Variants in BANK1 observed in about 807,000 individuals in gnomAD.
BANK1 encodes the protein B-cell scaffold protein with ankyrin repeats.
In BANK1, 95 loss-of-function variants were observed where a neutral mutation model predicts 94.5. That is an observed-to-expected ratio of 1.00 (90% CI 0.85 to 1.19). The LOEUF (loss-of-function observed/expected upper bound fraction) is 1.19. Ranked by LOEUF, BANK1 falls within the 50% of genes most tolerant of loss-of-function variation. The pLI is 0.00. For synonymous variants in BANK1, 334 were observed against 308.4 expected (o/e 1.08, Z -0.87); for missense variants, 987 against 932.2 (o/e 1.06, Z -0.77).
chr4:101,851,481 G>T (rs1003204671), intron 2 of BANK1, among the ~76,000 whole-genome samples: 1 of 152,204 alleles, frequency 6.6e-6, no homozygotes, highest in Non-Finnish European at 1.5e-5. Flanking sequence ...TTCGACTAAG[G>T]TGTTGGTAAG....
intron 7 of BANK1, among the ~76,000 whole-genome samples, chr4:101,953,914 T>C (rs1488406185): frequency 3.3e-5 from 5 of 152,148 alleles, no homozygotes; most frequent in Admixed American, 3.3e-4. Flanking sequence ...TGTAGCAAAT[T>C]ACCACAAACT....
At chr4:101,880,127 C>A (rs1728625803) in intron 5 of BANK1, among the ~76,000 whole-genome samples, 1 of 151,886 alleles carries the variant, frequency 6.6e-6, no homozygotes, top group Non-Finnish European at 1.5e-5. Flanking sequence ...GGCATCCAAA[C>A]TGGAAAGGAA....
chr4:101,897,769 C>T (rs1722137642), intron 6 of BANK1, among the ~76,000 whole-genome samples: 1 of 151,814 alleles, frequency 6.6e-6, no homozygotes, highest in African/African-American at 2.4e-5. Flanking sequence ...TTACAGTTTC[C>T]CAGGTGATTT....
chr4:101,900,013 C>T (rs1722221192), intron 6 of BANK1, among the ~76,000 whole-genome samples: 2 of 152,206 alleles, frequency 1.3e-5, no homozygotes, highest in African/African-American at 4.8e-5. Context: ...CAGCCCAATT[C>T]CATTACCATA....
At chr4:101,832,522 TAAC>T (rs1249895219) in intron 2 of BANK1, among the ~76,000 whole-genome samples, 1 of 152,188 alleles carries the variant, frequency 6.6e-6, no homozygotes, top group Non-Finnish European at 1.5e-5. Context: ...ATTTTCACTT[TAAC>T]TTTTGCTACC....
chr4:101,992,156 T>C (rs1295448488), intron 7 of BANK1, among the ~76,000 whole-genome samples: 1 of 152,212 alleles, frequency 6.6e-6, no homozygotes, highest in African/African-American at 2.4e-5. Flanking sequence ...ATTATCACTC[T>C]AATCATGTGC....
intron 1 of BANK1, among the ~76,000 whole-genome samples, chr4:101,806,414 AG>A (rs1725556487): frequency 6.6e-6 from 1 of 151,964 alleles, no homozygotes; most frequent in Non-Finnish European, 1.5e-5. Flanking sequence ...CCTCCATATA[AG>A]ACGACTATTA....
intron 7 of BANK1, among the ~76,000 whole-genome samples, chr4:101,965,561 A>G (rs1724724039): frequency 6.6e-6 from 1 of 152,088 alleles, no homozygotes; most frequent in Non-Finnish European, 1.5e-5. Flanking sequence ...CATCTTGGCT[A>G]AGACACTGAA....
At chr4:101,874,185 T>C (rs1728402442) in intron 5 of BANK1, among the ~76,000 whole-genome samples, 1 of 152,232 alleles carries the variant, frequency 6.6e-6, no homozygotes, top group African/African-American at 2.4e-5. Flanking sequence ...TTCAATTGCA[T>C]GTATTATTCA....
intron 7 of BANK1, among the ~76,000 whole-genome samples, chr4:101,963,246 A>C (rs1724633471): frequency 6.6e-6 from 1 of 152,060 alleles, no homozygotes. Context: ...TATTCTCCCA[A>C]TAAAAGTTGG....
chr4:101,932,426 T>C (rs959956862), intron 7 of BANK1, among the ~76,000 whole-genome samples: 6 of 151,542 alleles, frequency 4.0e-5, no homozygotes, highest in African/African-American at 1.5e-4. Flanking sequence ...AGGGGACTTT[T>C]CTTTAAATTT....
chr4:102,018,867 G>A (rs1726803007), intron 7 of BANK1, among the ~76,000 whole-genome samples: 1 of 144,982 alleles, frequency 6.9e-6, no homozygotes. Context: ...CGGCCAGGCT[G>A]GAGTGCAGTG....
intron 6 of BANK1, among the ~76,000 whole-genome samples, chr4:101,903,851 G>A (rs1319060744): frequency 6.6e-6 from 1 of 152,182 alleles, no homozygotes; most frequent in Non-Finnish European, 1.5e-5. Context: ...GGAGTAAGGA[G>A]TAGCAGTCTC....
intron 7 of BANK1, among the ~76,000 whole-genome samples, chr4:101,980,158 T>G (rs1160212633): frequency 6.6e-6 from 1 of 151,876 alleles, no homozygotes; most frequent in Non-Finnish European, 1.5e-5. Context: ...GTTGCCAAGT[T>G]CATTAACTAT....
intron 1 of BANK1, among the ~76,000 whole-genome samples, chr4:101,803,503 A>G (rs1400842399): frequency 6.6e-6 from 1 of 152,178 alleles, no homozygotes; most frequent in Non-Finnish European, 1.5e-5. Context: ...GTGGTTATCT[A>G]TTAGGGAAAG....
chr4:101,928,884 C>A (rs931800417), intron 7 of BANK1, among the ~76,000 whole-genome samples: 4 of 151,178 alleles, frequency 2.6e-5, no homozygotes, highest in Non-Finnish European at 5.9e-5. Context: ...TTTATGCACA[C>A]CCTCTGGTTC....
intron 5 of BANK1, among the ~76,000 whole-genome samples, chr4:101,887,568 A>G (rs1232194003): frequency 6.6e-6 from 1 of 152,202 alleles, no homozygotes; most frequent in African/African-American, 2.4e-5. Context: ...CTTCTAAAAA[A>G]TTCTGTCAGT....
chr4:101,994,808 T>C (rs959678132), intron 7 of BANK1, among the ~76,000 whole-genome samples: 2 of 152,176 alleles, frequency 1.3e-5, no homozygotes, highest in Admixed American at 6.6e-5. Flanking sequence ...GAAAAATCAC[T>C]TTATTGCACA....
chr4:101,918,246 ACTGT>A, intron 7 of BANK1, 57 bp downstream of exon 7: 2 of 1,239,896 alleles, frequency 1.6e-6, no homozygotes, highest in African/African-American at 1.5e-5. Flanking sequence ...TGTAGAAGAG[ACTGT>A]AAGAAGAAAA....
Sources: allele counts gnomAD v4.1 joint callset (sites outside exome capture counted in the v4.1 genomes callset), GRCh38; gene constraint gnomAD v4.1.1; transcripts MANE v1.5; gene names NCBI Gene and HGNC (gene_info 2026-07-23, HGNC 2026-07-21).